NOS1AP: variants seen among roughly 807,000 people sequenced by gnomAD.
NOS1AP encodes nitric oxide synthase 1 adaptor protein.
In NOS1AP, 21 loss-of-function variants were observed where a neutral mutation model predicts 56.2. The ratio of observed to expected loss-of-function variants is 0.37; its 90% CI spans 0.26 to 0.54. The LOEUF is 0.54. Among genes scored for constraint, NOS1AP ranks in the 20% least tolerant of loss-of-function variants. The pLI is 0.84. For synonymous variants in NOS1AP, 270 were observed against 274.6 expected (o/e 0.98, Z 0.17); for missense variants, 522 against 657.8 (o/e 0.79, Z 2.26).
chr1:162,097,178 T>C (rs1440306920), intron 1 of NOS1AP, among the ~76,000 whole-genome samples: 1 of 152,202 alleles, frequency 6.6e-6, no homozygotes, highest in African/African-American at 2.4e-5. Context: ...CATCAGTTTC[T>C]ATGTGTATTG....
intron 7 of NOS1AP, 130 bp from the exon 8 acceptor site, chr1:162,356,830 G>A: frequency 1.3e-6 from 2 of 1,589,494 alleles, no homozygotes; most frequent in South Asian, 2.2e-5. Flanking sequence ...TTCCATTGAA[G>A]ATATAGTGCT....
chr1:162,121,168 T>C (rs1214129195), intron 1 of NOS1AP, among the ~76,000 whole-genome samples: 2 of 151,600 alleles, frequency 1.3e-5, no homozygotes, highest in East Asian at 3.9e-4. Flanking sequence ...AATTTTTTTT[T>C]TGTTTTTTGT....
intron 2 of NOS1AP, among the ~76,000 whole-genome samples, chr1:162,256,811 C>T (rs371412756): frequency 2.9e-4 from 44 of 152,228 alleles, no homozygotes; most frequent in Non-Finnish European, 3.4e-4. Context: ...ATGCCAGGGA[C>T]GCCTTTTTTT....
chr1:162,268,123 G>T (rs1654481293), intron 2 of NOS1AP, among the ~76,000 whole-genome samples: 1 of 152,062 alleles, frequency 6.6e-6, no homozygotes, highest in African/African-American at 2.4e-5. Context: ...GCCAGGCATG[G>T]TGGCGTGTGC....
At chr1:162,358,635 C>G (rs981578326) in intron 8 of NOS1AP, among the ~76,000 whole-genome samples, 1 of 152,210 alleles carries the variant, frequency 6.6e-6, no homozygotes, top group Non-Finnish European at 1.5e-5. Flanking sequence ...GTCTGAGAAT[C>G]CCCTCCCTAG....
At chr1:162,354,742 A>G (rs1344996570) in intron 6 of NOS1AP, among the ~76,000 whole-genome samples, 1 of 152,214 alleles carries the variant, frequency 6.6e-6, no homozygotes, top group Non-Finnish European at 1.5e-5. Context: ...TTCTGTAGTT[A>G]AAGAAACATG....
At chr1:162,260,181 G>T (rs996416447) in intron 2 of NOS1AP, among the ~76,000 whole-genome samples, 7 of 152,034 alleles carry the variant, frequency 4.6e-5, no homozygotes, top group African/African-American at 1.7e-4. Context: ...AAATATATAC[G>T]ACTGAGAGGG....
At chr1:162,338,360 A>G (rs1328481677) in intron 5 of NOS1AP, among the ~76,000 whole-genome samples, 1 of 152,016 alleles carries the variant, frequency 6.6e-6, no homozygotes, top group Non-Finnish European at 1.5e-5. Flanking sequence ...TCCTCTTATT[A>G]TTGTCATTGT....
At chr1:162,086,894 A>C (rs1692014931) in intron 1 of NOS1AP, among the ~76,000 whole-genome samples, 1 of 152,130 alleles carries the variant, frequency 6.6e-6, no homozygotes, top group Admixed American at 6.5e-5. Context: ...AGTTGTAGGC[A>C]TAGGATGCAT....
chr1:162,231,733 C>G (rs539298391), intron 2 of NOS1AP, among the ~76,000 whole-genome samples: 2 of 152,182 alleles, frequency 1.3e-5, no homozygotes, highest in Admixed American at 1.3e-4. Context: ...GCAGGAGAGA[C>G]TTGGAGCTGA....
At chr1:162,117,211 A>G (rs967675352) in intron 1 of NOS1AP, among the ~76,000 whole-genome samples, 21 of 152,294 alleles carry the variant, frequency 1.4e-4, no homozygotes, top group Non-Finnish European at 1.8e-4. Context: ...TTCTGTTTGC[A>G]TAGGCTGTCT....
intron 2 of NOS1AP, among the ~76,000 whole-genome samples, chr1:162,273,141 A>C (rs907500169): frequency 1.3e-5 from 2 of 149,434 alleles, no homozygotes; most frequent in Admixed American, 6.7e-5. Context: ...TCTGCAGGAC[A>C]ACTCTGGAAG....
At chr1:162,211,753 GTT>G in intron 2 of NOS1AP, among the ~76,000 whole-genome samples, 1 of 152,136 alleles carries the variant, frequency 6.6e-6, no homozygotes, top group African/African-American at 2.4e-5. Flanking sequence ...CAGTCTGATT[GTT>G]TACACTTTGC....
chr1:162,251,858 T>G lies in NOS1AP; in HGVS notation c.178-35486T>G, dbSNP rs566804508. Among the ~76,000 whole-genome samples, 37 of 40,592 alleles carry G rather than the reference T, an allele frequency of 9.1e-4. No individual in the cohort carries two copies. In the East Asian group the frequency reaches 0.018, roughly 20 times the overall value. 26.6% of individuals were successfully genotyped at this position (40,592 alleles called of 152,430 possible). A position where few individuals can be genotyped will look rare whatever the true frequency, so the allele number is the denominator to read the frequency against. ...ATGCACCACAACACCTAGCTAGTTGTTTTTTTTTTTGTTTTTTTTTTTTTT... is the reference window on the plus strand; with the variant it reads ...ATGCACCACAACACCTAGCTAGTTGGTTTTTTTTTTGTTTTTTTTTTTTTT... On this transcript the variant is annotated intron_variant, in intron 2 of 9. Coordinates refer to ENST00000361897, the MANE Select transcript of NOS1AP (RefSeq NM_014697.3).
intron 1 of NOS1AP, among the ~76,000 whole-genome samples, chr1:162,096,256 A>C (rs1439898305): frequency 2.6e-5 from 4 of 152,256 alleles, no homozygotes; most frequent in Middle Eastern, 3.4e-3. Flanking sequence ...CTGTTCAGAG[A>C]GCTCCAATGA....
intron 7 of NOS1AP, among the ~76,000 whole-genome samples, chr1:162,355,679 G>GGCAC (rs1291871531): frequency 1.1e-5 from 1 of 89,390 alleles, no homozygotes; most frequent in Admixed American, 1.3e-4. Flanking sequence ...GGCTCACTCT[G>GGCAC]GCACACACAC....
At chr1:162,253,276 T>C (rs1293970470) in intron 2 of NOS1AP, among the ~76,000 whole-genome samples, 1 of 152,188 alleles carries the variant, frequency 6.6e-6, no homozygotes, top group Non-Finnish European at 1.5e-5. Flanking sequence ...ACCTTGATAT[T>C]GGACTCCCAG....
chr1:162,306,902 G>A (rs1409542841), intron 4 of NOS1AP, among the ~76,000 whole-genome samples: 3 of 151,768 alleles, frequency 2.0e-5, no homozygotes, highest in African/African-American at 7.3e-5. Context: ...GGGCAGCAGA[G>A]TGAGAACCTG....
At chr1:162,353,318 G>GC (rs1657585066) in intron 6 of NOS1AP, among the ~76,000 whole-genome samples, 1 of 152,134 alleles carries the variant, frequency 6.6e-6, no homozygotes, top group Non-Finnish European at 1.5e-5. Context: ...CACTTGCATT[G>GC]CCTGACATGC....
Sources: allele counts gnomAD v4.1 joint callset (sites outside exome capture counted in the v4.1 genomes callset), GRCh38; gene constraint gnomAD v4.1.1; transcripts MANE v1.5; gene names NCBI Gene and HGNC (gene_info 2026-07-23, HGNC 2026-07-21).